Variants in CAPRIN1 observed in about 807,000 individuals in gnomAD.
The protein encoded by CAPRIN1 is caprin-1.
CAPRIN1 carries 29 observed loss-of-function variants against 100.9 expected under a neutral mutation model. That is an observed-to-expected ratio of 0.29 (90% CI 0.21 to 0.39). The LOEUF (loss-of-function observed/expected upper bound fraction) is 0.39. Among genes scored for constraint, CAPRIN1 ranks in the 10% least tolerant of loss-of-function variants. The pLI, the probability that CAPRIN1 is intolerant of heterozygous loss-of-function variation, is 1.00. For missense variants in CAPRIN1, 795 were observed against 876.7 expected (o/e 0.91, Z 1.18); for synonymous variants, 338 against 307.5 (o/e 1.10, Z -1.04).
At chr11:34,097,507 T>C (rs1851390048) in intron 17 of CAPRIN1, among the ~76,000 whole-genome samples, 191 bp from the exon 18 acceptor site, 1 of 152,216 alleles carries the variant, frequency 6.6e-6, no homozygotes, top group Admixed American at 6.5e-5. Context: ...CAGAGAAATA[T>C]ATTTCACTGA....
chr11:34,087,569 G>A lies in CAPRIN1; in HGVS notation c.1231+1156G>A, dbSNP rs555068561. Among the ~76,000 whole-genome samples, 25 of 122,832 alleles carry A rather than the reference G, an allele frequency of 2.0e-4. 5 individuals are homozygous for A. Among genetic ancestry groups the A allele is most frequent in the South Asian group, 7.2e-4 (3 of 4,186 alleles). The allele number at this position is 122,832 out of a possible 152,430, so 80.6% of individuals were successfully genotyped here. ...GGGATGGTCTCGATCTCCTGACCTCGTGATCCGCCCGCCTCGGCCTCCCAA... is the reference window on the plus strand; with the variant it reads ...GGGATGGTCTCGATCTCCTGACCTCATGATCCGCCCGCCTCGGCCTCCCAA... On this transcript the variant is annotated intron_variant, in intron 11 of 18. Coordinates refer to ENST00000341394, the MANE Select transcript of CAPRIN1 (RefSeq NM_005898.5).
intron 2 of CAPRIN1, among the ~76,000 whole-genome samples, chr11:34,067,620 G>T (rs1247866551): frequency 5.9e-5 from 9 of 152,014 alleles, no homozygotes; most frequent in Admixed American, 3.9e-4. Context: ...CTCCCAAGTA[G>T]CTAGGACCAT....
chr11:34,071,519 C>A (rs1300368191), intron 2 of CAPRIN1, among the ~76,000 whole-genome samples: 2 of 151,930 alleles, frequency 1.3e-5, no homozygotes, highest in South Asian at 2.1e-4. Context: ...GAGACAAGAT[C>A]GTGCCATTGC....
intron 2 of CAPRIN1, among the ~76,000 whole-genome samples, chr11:34,067,708 A>C (rs535253654): frequency 6.6e-5 from 10 of 152,266 alleles, no homozygotes; most frequent in Middle Eastern, 3.4e-3. Context: ...TATGTTGTCC[A>C]GGCTGGTCTT....
At chr11:34,085,458 T>C (rs981932353) in intron 9 of CAPRIN1, among the ~76,000 whole-genome samples, 3 of 152,044 alleles carry the variant, frequency 2.0e-5, no homozygotes, top group African/African-American at 4.8e-5. Context: ...TTAAGAAAAA[T>C]ACATTATTTT....
chr11:34,078,413 C>T (rs1227990086), intron 6 of CAPRIN1, among the ~76,000 whole-genome samples: 2 of 152,156 alleles, frequency 1.3e-5, no homozygotes, highest in Non-Finnish European at 2.9e-5. Flanking sequence ...ATACATCTCC[C>T]CCTCTGCCCT....
At chr11:34,097,119 C>A in intron 16 of CAPRIN1, 77 bp from the exon 17 acceptor site, 1 of 961,982 alleles carries the variant, frequency 1.0e-6, no homozygotes, top group Non-Finnish European at 1.7e-6. Context: ...TCTAGTTCTT[C>A]CCGTCTTCAT....
intron 2 of CAPRIN1, chr11:34,056,411 C>T (rs994326788): frequency 6.6e-6 from 1 of 152,174 alleles, no homozygotes; most frequent in African/African-American, 2.4e-5. Context: ...ATTGAGAATG[C>T]ATGCTCTTAA....
At chr11:34,082,480 T>C (rs908560496) in intron 7 of CAPRIN1, among the ~76,000 whole-genome samples, 3 of 152,222 alleles carry the variant, frequency 2.0e-5, no homozygotes, top group African/African-American at 4.8e-5. Flanking sequence ...TGAGCCACTG[T>C]GCCTGGCCGA....
chr11:34,067,571 G>A (rs1357122766), intron 2 of CAPRIN1, among the ~76,000 whole-genome samples: 1 of 151,212 alleles, frequency 6.6e-6, no homozygotes, highest in East Asian at 2.0e-4. Context: ...TGCACATCAC[G>A]ACTTCCGACT....
In CAPRIN1 at chr11:34,092,117, T is replaced by TAG; in HGVS notation, c.1705+62_1705+63dup. 2.0e-6 allele frequency: 3 copies of TAG among 1,532,828 alleles called. No homozygotes were observed. In the South Asian group the frequency reaches 3.7e-5, roughly 19 times the overall value. The allele number at this position is 1,532,828 out of a possible 1,614,324, so 95.0% of individuals were successfully genotyped here. ...TTTCCAGCACAGTTATTGACAGTGT[T>TAG]AGGACAGTTTAGACTTCAGAGTGGT... On this transcript the variant is annotated intron_variant, in intron 15 of 18. Transcript: ENST00000341394.
rs1298268244 is a variant in CAPRIN1, at chr11:34,101,010, T to A, written c.*1643T>A. The A allele has an allele frequency of 2.0e-5, 3 of 152,630 alleles. No homozygotes were observed. Among genetic ancestry groups the A allele is most frequent in the African/African-American group, 7.2e-5 (3 of 41,462 alleles). 9.5% of individuals were successfully genotyped at this position (152,630 alleles called of 1,614,324 possible). A position where few individuals can be genotyped will look rare whatever the true frequency, so the allele number is the denominator to read the frequency against. ...AAAACTATTCTCAAACATTCATCAT[T>A]AGACAACTGGAGTTTTTGCTGGTTT... On this transcript the variant is annotated 3_prime_UTR_variant, in exon 19 of 19. Coordinates refer to ENST00000341394, the MANE Select transcript of CAPRIN1 (RefSeq NM_005898.5).
At chr11:34,065,880 T>C (rs868227594) in intron 2 of CAPRIN1, among the ~76,000 whole-genome samples, 38 of 152,336 alleles carry the variant, frequency 2.5e-4, no homozygotes, top group Admixed American at 1.2e-3. Context: ...GGATAGGATA[T>C]TTATAATAGT....
chr11:34,097,966 A>G, intron 18 of CAPRIN1: 1 of 1,314,438 alleles, frequency 7.6e-7, no homozygotes, highest in Non-Finnish European at 9.7e-7. Flanking sequence ...GTTACTATAT[A>G]AACTGTCTTG....
chr11:34,094,314 C>G (rs1265885446), intron 15 of CAPRIN1, among the ~76,000 whole-genome samples: 1 of 152,112 alleles, frequency 6.6e-6, no homozygotes, highest in African/African-American at 2.4e-5. Flanking sequence ...CCTCGGCCTT[C>G]CAAAGTGCTG....
At position 34,082,842 on chromosome 11, in the gene CAPRIN1, G is replaced by C. The variant is rs1451042824; in HGVS notation, c.844G>C (p.Glu282Gln). 1.2e-6 allele frequency: 2 copies of C among 1,613,798 alleles called. No homozygotes were observed. Among genetic ancestry groups the C allele is most frequent in the Non-Finnish European group, 1.7e-6 (2 of 1,179,942 alleles). ...CCTCTTAGAACCTGAGCCAGCAGAA[G>C]AGTACACTGAGCAAAGTGAAGTTGA... Reference protein sequence around the residue: ...VPEAEPEPAEEYTEQSEVEST... With the variant: ...VPEAEPEPAEQYTEQSEVEST... The change falls in exon 8 of 19, where the codon GAG (glutamate) becomes CAG (glutamine). Residue 282 changes from glutamate to glutamine, a missense_variant. Around this residue, in one of 3 missense-constraint regions of CAPRIN1, gnomAD observed 648 missense variants for 697.9 expected, o/e 0.93. Transcript: ENST00000341394.
chr11:34,089,386 C>A lies in CAPRIN1; in HGVS notation c.1232-9C>A. 1 of 1,583,052 alleles carries A rather than the reference C, an allele frequency of 6.3e-7. No individual in the cohort carries two copies. The highest frequency in any genetic ancestry group is 8.6e-7 in the Non-Finnish European group (1 of 1,160,216). On this transcript the variant is annotated splice_polypyrimidine_tract_variant and intron_variant, in intron 11 of 18. Coordinates refer to ENST00000341394, the MANE Select transcript of CAPRIN1 (RefSeq NM_005898.5). ...TTGTTTGACAAAAATGTTTTGGTCA[C>A]CTTTGCAGTTCATTCTGAATCTAGA...
In CAPRIN1 at chr11:34,097,060, A is replaced by G; in HGVS notation, c.1901-136A>G. 1.1e-5 allele frequency: 7 copies of G among 662,776 alleles called. No individual in the cohort carries two copies. In the South Asian group the frequency reaches 1.4e-4, roughly 13 times the overall value. 41.1% of individuals were successfully genotyped at this position (662,776 alleles called of 1,614,324 possible). On this transcript the variant is annotated intron_variant, in intron 16 of 18. Transcript: ENST00000341394. ...CAGAAATTTATAAACAGATTGGATC[A>G]AGATAGGAAATTGGAGATTAATTTG... is the stretch of plus-strand genomic sequence containing the variant.
chr11:34,063,588 T>A (rs2134092523), intron 2 of CAPRIN1, among the ~76,000 whole-genome samples: 1 of 152,296 alleles, frequency 6.6e-6, no homozygotes, highest in South Asian at 2.1e-4. Context: ...CTACTGGGTG[T>A]GGTCACACCT....
Sources: gnomAD v4.1 joint callset for allele counts (sites outside exome capture counted in the v4.1 genomes callset) on GRCh38, gnomAD v4.1.1 for gene constraint, gnomAD v4.1.1 regional missense constraint, MANE v1.5 for transcripts, NCBI Gene and HGNC (gene_info 2026-07-23, HGNC 2026-07-21) for gene names.